Variants in RORA observed in about 807,000 individuals in gnomAD.
RORA encodes the protein nuclear receptor ROR-alpha.
A neutral mutation model predicts 69.5 loss-of-function variants in RORA; 7 were observed. The ratio of observed to expected loss-of-function variants is 0.10; its 90% CI spans 0.06 to 0.19. RORA has a LOEUF of 0.19. Among genes scored for constraint, RORA ranks in the 10% least tolerant of loss-of-function variants. The pLI is 1.00. For missense variants in RORA, 457 were observed against 663.0 expected (o/e 0.69, Z 3.41); for synonymous variants, 261 against 240.8 (o/e 1.08, Z -0.78).
At chr15:60,504,958 A>G (rs1186491114) in intron 6 of RORA, among the ~76,000 whole-genome samples, 1 of 152,210 alleles carries the variant, frequency 6.6e-6, no homozygotes, top group African/African-American at 2.4e-5. Context: ...CTCAAATGTA[A>G]AATGGATTCA....
At chr15:60,528,776 T>C (rs549401147) in intron 3 of RORA, 2 of 152,212 alleles carry the variant, frequency 1.3e-5, no homozygotes, top group Non-Finnish European at 2.9e-5. Context: ...TTTCCTTAAA[T>C]GCATGTGACA....
In RORA at chr15:60,662,964, AAGGTT is replaced by A. The variant is rs1349345627; in HGVS notation, c.196+15688_196+15692del. 2.0e-5 allele frequency among the ~76,000 whole-genome samples: 3 copies of A among 152,138 alleles called. No homozygotes were observed. The East Asian group carries it at 5.8e-4, about 29-fold the overall frequency. ...TAGCTAAAGTGGAGCTGCCTTGCCC[AAGGTT>A]ATGCCCTTAGGTGCAGCTGGCACCC... On this transcript the variant is annotated intron_variant, in intron 2 of 10. Coordinates refer to ENST00000335670, the MANE Select transcript of RORA (RefSeq NM_134261.3).
intron 1 of RORA, among the ~76,000 whole-genome samples, chr15:61,098,280 C>T (rs2078826392): frequency 6.7e-6 from 1 of 148,950 alleles, no homozygotes; most frequent in Non-Finnish European, 1.5e-5. Context: ...TTCTTCCCTC[C>T]TTCCCTGCCT....
intron 1 of RORA, among the ~76,000 whole-genome samples, chr15:60,690,608 A>G (rs939366944): frequency 6.6e-5 from 10 of 152,238 alleles, no homozygotes; most frequent in African/African-American, 2.2e-4. Flanking sequence ...CCTAACAAAA[A>G]CACAGGGTTA....
At chr15:60,928,692 G>C (rs1892287079) in intron 1 of RORA, among the ~76,000 whole-genome samples, 1 of 152,198 alleles carries the variant, frequency 6.6e-6, no homozygotes, top group Non-Finnish European at 1.5e-5. Context: ...GAGAGACAAA[G>C]TGACCGCCCT....
intron 2 of RORA, among the ~76,000 whole-genome samples, chr15:60,669,141 G>A (rs990597923): frequency 6.6e-6 from 1 of 152,136 alleles, no homozygotes; most frequent in South Asian, 2.1e-4. Context: ...ACCATTAGCC[G>A]CAAAATTCAA....
At chr15:61,167,035 T>G (rs1250803046) in intron 1 of RORA, among the ~76,000 whole-genome samples, 11 of 152,184 alleles carry the variant, frequency 7.2e-5, no homozygotes, top group Admixed American at 7.2e-4. Flanking sequence ...TGTCTCAAAC[T>G]GCAGTGACAC....
At chr15:61,048,408 G>A (rs1334247359) in intron 1 of RORA, among the ~76,000 whole-genome samples, 2 of 152,194 alleles carry the variant, frequency 1.3e-5, no homozygotes, top group Non-Finnish European at 2.9e-5. Flanking sequence ...AGACCATGGA[G>A]GTGAGAGAGG....
chr15:61,116,323 G>A (rs2079050673), intron 1 of RORA, among the ~76,000 whole-genome samples: 1 of 152,156 alleles, frequency 6.6e-6, no homozygotes, highest in African/African-American at 2.4e-5. Context: ...CCAGTTTTAG[G>A]ATTTTAGGGT....
chr15:61,000,873 C>T (rs1213672360), intron 1 of RORA, among the ~76,000 whole-genome samples: 3 of 152,074 alleles, frequency 2.0e-5, no homozygotes, highest in African/African-American at 7.2e-5. Flanking sequence ...TGTGGGGACA[C>T]CTGAGATAAG....
At chr15:60,829,248 T>G (rs1359109167) in intron 1 of RORA, among the ~76,000 whole-genome samples, 1 of 152,158 alleles carries the variant, frequency 6.6e-6, no homozygotes, top group Non-Finnish European at 1.5e-5. Flanking sequence ...TATTTATACC[T>G]TAGGGCTAAT....
intron 1 of RORA, among the ~76,000 whole-genome samples, chr15:60,780,380 C>T (rs891498813): frequency 2.0e-5 from 3 of 152,154 alleles, no homozygotes; most frequent in African/African-American, 7.2e-5. Flanking sequence ...CTAGAGAGCC[C>T]AGTGTAGACA....
chr15:61,157,748 GC>G (rs2079457661), intron 1 of RORA, among the ~76,000 whole-genome samples: 1 of 152,138 alleles, frequency 6.6e-6, no homozygotes, highest in Non-Finnish European at 1.5e-5. Flanking sequence ...TGAGTGACTG[GC>G]CCTAGTTTCG....
chr15:60,685,029 G>C (rs1567155057), intron 1 of RORA, among the ~76,000 whole-genome samples: 1 of 152,188 alleles, frequency 6.6e-6, no homozygotes, highest in Non-Finnish European at 1.5e-5. Context: ...GTGGGGCACA[G>C]GATATAGTAC....
chr15:60,716,947 G>A (rs1344949040), intron 1 of RORA, among the ~76,000 whole-genome samples: 1 of 152,138 alleles, frequency 6.6e-6, no homozygotes, highest in Non-Finnish European at 1.5e-5. Flanking sequence ...ATGTTTTCCT[G>A]AGTTCTTTAG....
chr15:60,791,419 G>C (rs1462557604), intron 1 of RORA, among the ~76,000 whole-genome samples: 1 of 152,190 alleles, frequency 6.6e-6, no homozygotes, highest in African/African-American at 2.4e-5. Context: ...GCAGTCAAAA[G>C]TCCAACAGGA....
At chr15:61,206,428 T>TA (rs1567037278) in intron 1 of RORA, among the ~76,000 whole-genome samples, 1 of 152,160 alleles carries the variant, frequency 6.6e-6, no homozygotes, top group Non-Finnish European at 1.5e-5. Context: ...AGCACTGTGT[T>TA]AAAAACCCTG....
Position 61,213,440 on chromosome 15 carries a change from C to T in RORA, c.166+15613G>A, listed in dbSNP as rs534941981. 2.0e-5 allele frequency among the ~76,000 whole-genome samples: 3 copies of T among 152,058 alleles called. No individual in the cohort carries two copies. The highest frequency in any genetic ancestry group is 1.9e-4 in the East Asian group (1 of 5,196). ...CAAAATTTTGCTATAAGACAAGGTC[C>T]GAAATGCTTAGGCTCGCCCCTGCCT... is the stretch of plus-strand genomic sequence containing the variant. On this transcript the variant is annotated intron_variant, in intron 1 of 10. Transcript: ENST00000335670. This position sits in a 1 kb window ranked among gnomAD's most constrained non-coding sequence, Gnocchi z 4.1.
chr15:60,613,160 A>G (rs940166703), intron 2 of RORA, among the ~76,000 whole-genome samples: 13 of 152,182 alleles, frequency 8.5e-5, no homozygotes, highest in Admixed American at 6.5e-4. Context: ...AGTAAAATCA[A>G]TTATGAGTAA....
Sources: allele counts gnomAD v4.1 joint callset (sites outside exome capture counted in the v4.1 genomes callset), GRCh38; gene constraint gnomAD v4.1.1; non-coding constraint Gnocchi (gnomAD v3.1); transcripts MANE v1.5; gene names NCBI Gene and HGNC (gene_info 2026-07-23, HGNC 2026-07-21).